The following AEBP2 variants were observed in gnomAD, a reference collection of about 807,000 sequenced individuals.
AEBP2 encodes the protein AE binding protein 2.
Under a neutral mutation model 50.8 loss-of-function variants are expected in AEBP2, and 10 were observed. That is an observed-to-expected ratio of 0.20 (90% CI 0.12 to 0.33). The LOEUF is 0.33. Ranked by LOEUF, AEBP2 falls within the 10% of genes least tolerant of loss-of-function variation. The probability of loss-of-function intolerance (pLI) is 1.00; values close to 1 mark genes in which losing one functional copy is unlikely to be tolerated. For missense variants in AEBP2, 570 were observed against 688.0 expected, an observed-to-expected ratio of 0.83 and a Z score of 1.92; for synonymous variants, 296 against 261.3, an observed-to-expected ratio of 1.13 and a Z score of -1.28.
At chr12:19,515,222 ATAGCT>A (rs1230926305) in intron 7 of AEBP2, among the ~76,000 whole-genome samples, 2 of 152,188 alleles carry the variant, frequency 1.3e-5, no homozygotes, top group Admixed American at 1.3e-4. Flanking sequence ...TTTTTAAGAC[ATAGCT>A]TAGAGTGTTC....
At chr12:19,405,044 C>T (rs2095735485) in intron 1 of AEBP2, among the ~76,000 whole-genome samples, 2 of 148,576 alleles carry the variant, frequency 1.3e-5, no homozygotes, top group African/African-American at 2.5e-5. Flanking sequence ...AAGTGATTCT[C>T]CTGCCTCAAG....
At chr12:19,475,273 A>G (rs1258995411) in intron 3 of AEBP2, among the ~76,000 whole-genome samples, 1 of 144,246 alleles carries the variant, frequency 6.9e-6, no homozygotes, top group African/African-American at 2.6e-5. Flanking sequence ...TATCATTCTT[A>G]TGCCTGCTCA....
intron 1 of AEBP2, among the ~76,000 whole-genome samples, chr12:19,404,930 CTTTTTTTT>C (rs34351225): frequency 1.0e-5 from 1 of 95,704 alleles, no homozygotes; most frequent in African/African-American, 4.3e-5. Context: ...CTTGGCTACT[CTTTTTTTT>C]TTTTTTTTTT....
chr12:19,452,071 A>C (rs1948174259), intron 1 of AEBP2, among the ~76,000 whole-genome samples: 1 of 152,022 alleles, frequency 6.6e-6, no homozygotes, highest in Non-Finnish European at 1.5e-5. Flanking sequence ...TTGTATTTTT[A>C]GTAGAGGTAG....
At chr12:19,461,042 A>G (rs1164744465) in intron 1 of AEBP2, among the ~76,000 whole-genome samples, 1 of 152,178 alleles carries the variant, frequency 6.6e-6, no homozygotes, top group Non-Finnish European at 1.5e-5. Flanking sequence ...AACAGATTAC[A>G]GATAGCAAAT....
rs778724526 is a variant in AEBP2 at position 19,500,098 on chromosome 12, A to C, written c.1176A>C (p.Pro392=). The stretch of plus-strand genomic sequence containing the variant: ...TTTACTTTTTATGTTGACTTTTAGC[A>C]CGGCCACATGATTTCTTCGATGCAC... ...KLKNKRRRSL[P]RPHDFFDAQT... The change falls in exon 5 of 8, where the codon CCA becomes CCC. Residue 392 remains proline (P), a splice_region_variant and synonymous_variant. Transcript: ENST00000266508. 1.2e-6 allele frequency: 2 copies of C among 1,603,840 alleles called. No individual in the cohort carries two copies. Among genetic ancestry groups the C allele is most frequent in the Non-Finnish European group, 1.7e-6 (2 of 1,175,502 alleles).
In AEBP2 at chr12:19,506,144, C is replaced by T. The variant is rs141020724; in HGVS notation, c.1299+5923C>T. Among the ~76,000 whole-genome samples the T allele has an allele frequency of 1.4e-3, 208 of 151,576 alleles. 7 individuals carry two copies. In the East Asian group the frequency reaches 0.035, roughly 25 times the overall value. On this transcript the variant is annotated intron_variant, in intron 5 of 7. Transcript: ENST00000266508. ...CAGAGCCTTGCTGTGTCACCCAGGCCGGAGTGCAGTGACACCATACTGGCT... is the reference window on the plus strand; with the variant it reads ...CAGAGCCTTGCTGTGTCACCCAGGCTGGAGTGCAGTGACACCATACTGGCT...
At chr12:19,443,717 C>T (rs915256348) in intron 1 of AEBP2, among the ~76,000 whole-genome samples, 16 of 151,818 alleles carry the variant, frequency 1.1e-4, no homozygotes, top group East Asian at 7.8e-4. Flanking sequence ...AGCAAGACTC[C>T]ATCTCAAAAA....
At chr12:19,496,472 C>T (rs1205641424) in intron 4 of AEBP2, among the ~76,000 whole-genome samples, 1 of 152,100 alleles carries the variant, frequency 6.6e-6, no homozygotes, top group Non-Finnish European at 1.5e-5. Context: ...TTTGAATTAG[C>T]ATGGTTAACA....
At chr12:19,456,826 C>T in intron 1 of AEBP2, 1 of 1,547,550 alleles carries the variant, frequency 6.5e-7, no homozygotes, top group South Asian at 1.1e-5. Context: ...TTGAGAACAC[C>T]AGTCTCCACT....
chr12:19,413,326 T>C (rs1041937907), intron 1 of AEBP2: 26 of 1,209,394 alleles, frequency 2.1e-5, no homozygotes, highest in Non-Finnish European at 7.4e-6. Context: ...TGGCAAGATA[T>C]GGACAACTGA....
chr12:19,446,877 T>G (rs1010617245), intron 1 of AEBP2, among the ~76,000 whole-genome samples: 1 of 151,994 alleles, frequency 6.6e-6, no homozygotes, highest in African/African-American at 2.4e-5. Flanking sequence ...CAGTGAGCTG[T>G]GATTGTGCCA....
Position 19,518,223 on chromosome 12 carries a change from T to C in AEBP2, c.*106T>C. ...CACATTAGAGTCAACCCCTTCTTTTTTTTTTTTTTTTTTTTAAATCCAGTA... is the reference window on the plus strand; with the variant it reads ...CACATTAGAGTCAACCCCTTCTTTTCTTTTTTTTTTTTTTTAAATCCAGTA... On this transcript the variant is annotated 3_prime_UTR_variant, in exon 8 of 8. Transcript: ENST00000266508. The C allele has an allele frequency of 7.7e-6, 10 of 1,306,768 alleles. No homozygotes were observed. The highest frequency in any genetic ancestry group is 8.9e-6 in the Non-Finnish European group (9 of 1,009,300). 80.9% of individuals were successfully genotyped at this position (1,306,768 alleles called of 1,614,324 possible). A position where few individuals can be genotyped will look rare whatever the true frequency, so the allele number is the denominator to read the frequency against.
At chr12:19,430,279 T>C (rs979994972) in intron 1 of AEBP2, among the ~76,000 whole-genome samples, 1 of 152,198 alleles carries the variant, frequency 6.6e-6, no homozygotes, top group Non-Finnish European at 1.5e-5. Flanking sequence ...AAAGATCAGA[T>C]AGTTGTAGAT....
At chr12:19,466,669 T>A (rs1002316392) in intron 2 of AEBP2, 1 of 318,738 alleles carries the variant, frequency 3.1e-6, no homozygotes, top group Non-Finnish European at 4.5e-6. Context: ...GTTGTAGGTA[T>A]CTAATATAAG....
rs541718905 is a variant in AEBP2, at chr12:19,470,606, C to T, written c.880-2642C>T. ...TGAAGGTGTTGCCTTAATCGTGTTACTAGACATTATTCCATGTAGAGTCTA... is the reference window on the plus strand; with the variant it reads ...TGAAGGTGTTGCCTTAATCGTGTTATTAGACATTATTCCATGTAGAGTCTA... On this transcript the variant is annotated intron_variant, in intron 2 of 7. Transcript: ENST00000266508. Among the ~76,000 whole-genome samples, 32 of 152,264 alleles carry T rather than the reference C, an allele frequency of 2.1e-4. 1 individual carries two copies. The highest frequency in any genetic ancestry group is 7.5e-4 in the African/African-American group (31 of 41,546).
chr12:19,417,905 A>C (rs370740837), intron 1 of AEBP2, among the ~76,000 whole-genome samples: 2 of 151,688 alleles, frequency 1.3e-5, no homozygotes, highest in East Asian at 3.9e-4. Flanking sequence ...GGGTTTTATC[A>C]TGTTGGCCAG....
intron 3 of AEBP2, among the ~76,000 whole-genome samples, chr12:19,484,672 C>A (rs1948781414): frequency 6.6e-6 from 1 of 151,962 alleles, no homozygotes; most frequent in African/African-American, 2.4e-5. Context: ...CGCGCCTGGC[C>A]CATCTTAATA....
At chr12:19,483,781 A>G (rs1450819410) in intron 3 of AEBP2, among the ~76,000 whole-genome samples, 1 of 152,110 alleles carries the variant, frequency 6.6e-6, no homozygotes, top group Admixed American at 6.6e-5. Flanking sequence ...TTCTTGTCTT[A>G]TTGTTACAAA....
Sources: gnomAD v4.1 joint callset for allele counts (sites outside exome capture counted in the v4.1 genomes callset) on GRCh38, gnomAD v4.1.1 for gene constraint, MANE v1.5 for transcripts, NCBI Gene and HGNC (gene_info 2026-07-23, HGNC 2026-07-21) for gene names.